Variants in LYST observed in about 807,000 individuals in gnomAD.
LYST encodes the protein lysosomal-trafficking regulator.
A neutral mutation model predicts 413.6 loss-of-function variants in LYST; 192 were observed. The ratio of observed to expected loss-of-function variants is 0.46; its 90% CI spans 0.41 to 0.52. The LOEUF (loss-of-function observed/expected upper bound fraction) is 0.52, where lower values mean the gene tolerates loss of function less well. Among genes scored for constraint, LYST ranks in the 20% least tolerant of loss-of-function variants. The probability of loss-of-function intolerance (pLI) is 0.00; values close to 1 mark genes in which losing one functional copy is unlikely to be tolerated. For synonymous variants in LYST, 1,525 were observed against 1,567.3 expected, an observed-to-expected ratio of 0.97 and a Z score of 0.64; for missense variants, 3,815 against 4,499.9, an observed-to-expected ratio of 0.85 and a Z score of 4.35.
At chr1:235,769,806 A>G (rs1254610962) in intron 20 of LYST, among the ~76,000 whole-genome samples, 1 of 152,164 alleles carries the variant, frequency 6.6e-6, no homozygotes, top group Non-Finnish European at 1.5e-5. Context: ...AAAGCAATAC[A>G]TATTTGTAAA....
intron 44 of LYST, among the ~76,000 whole-genome samples, chr1:235,705,426 A>C (rs12075293): frequency 0.044 from 6,659 of 152,044 alleles, 502 homozygotes; most frequent in African/African-American, 0.15. Flanking sequence ...TGCTCTGTCA[A>C]CCAGGCTGGA....
In LYST at chr1:235,686,885, A is replaced by T. The variant is rs758658587; in HGVS notation, c.10800+64T>A. On this transcript the variant is annotated intron_variant, in intron 48 of 52. Coordinates refer to ENST00000389793, the MANE Select transcript of LYST (RefSeq NM_000081.4). This position sits in a 1 kb window ranked among gnomAD's most constrained non-coding sequence, Gnocchi z 4.0. ...TCTTATGCAAAGTGAATTATACTTC[A>T]TAAAGGCTTTCTTCCCCTCATTGAC... 1 of 1,174,710 alleles carries T rather than the reference A, an allele frequency of 8.5e-7. No homozygotes were observed. The highest frequency in any genetic ancestry group is 1.3e-6 in the Non-Finnish European group (1 of 779,022). The allele number at this position is 1,174,710 out of a possible 1,614,324, so 72.8% of individuals were successfully genotyped here. A position where few individuals can be genotyped will look rare whatever the true frequency, so the allele number is the denominator to read the frequency against.
At chr1:235,678,805 T>C (rs371647515) in intron 48 of LYST, among the ~76,000 whole-genome samples, 29 of 152,326 alleles carry the variant, frequency 1.9e-4, no homozygotes, top group African/African-American at 7.0e-4. Flanking sequence ...ACTTCCATTA[T>C]GTTACTATAG....
chr1:235,709,433 AG>A (rs34803157), intron 43 of LYST, 125 bp from the exon 44 acceptor site: 2 of 740,394 alleles, frequency 2.7e-6, no homozygotes, highest in African/African-American at 1.8e-5. Flanking sequence ...GGGAATAGCA[AG>A]GAGGATTTAC....
intron 31 of LYST, among the ~76,000 whole-genome samples, chr1:235,740,986 G>C (rs1414206675): frequency 6.6e-6 from 1 of 152,084 alleles, no homozygotes. Context: ...TTTTGGGTTT[G>C]ATTATTCCAA....
chr1:235,676,597 C>A (rs1396876612), intron 50 of LYST, among the ~76,000 whole-genome samples: 1 of 152,140 alleles, frequency 6.6e-6, no homozygotes, highest in Non-Finnish European at 1.5e-5. Flanking sequence ...GCCTATGAAG[C>A]CTACCTCCTC....
At chr1:235,706,252 A>G (rs1661979381) in intron 44 of LYST, among the ~76,000 whole-genome samples, 1 of 152,178 alleles carries the variant, frequency 6.6e-6, no homozygotes, top group Non-Finnish European at 1.5e-5. Flanking sequence ...CATGTGCACG[A>G]AGGACTTTTT....
At chr1:235,765,895 A>G (rs923970361) in intron 21 of LYST, among the ~76,000 whole-genome samples, 184 bp downstream of exon 21, 4 of 151,286 alleles carry the variant, frequency 2.6e-5, no homozygotes, top group African/African-American at 9.7e-5. Context: ...TCCACTTGGC[A>G]TTTAGACTCC....
chr1:235,765,363 A>T (rs1668032027), intron 21 of LYST, among the ~76,000 whole-genome samples: 1 of 152,158 alleles, frequency 6.6e-6, no homozygotes, highest in African/African-American at 2.4e-5. Context: ...AATTGGCCTT[A>T]CTGCCCCTAG....
At chr1:235,736,352 G>C (rs1326264499) in intron 31 of LYST, 1 of 152,154 alleles carries the variant, frequency 6.6e-6, no homozygotes, top group Non-Finnish European at 1.5e-5. Context: ...TACAGAAAGG[G>C]AGAAAGGTTT....
At chr1:235,671,787 T>C (rs1444762411) in intron 50 of LYST, among the ~76,000 whole-genome samples, 1 of 152,220 alleles carries the variant, frequency 6.6e-6, no homozygotes, top group East Asian at 1.9e-4. Flanking sequence ...GGCGTAGATA[T>C]GTAAATGGGA....
intron 20 of LYST, 112 bp downstream of exon 20, chr1:235,770,048 G>GAAAAAAAAA: frequency 1.2e-6 from 1 of 840,870 alleles, no homozygotes. Context: ...AGAGAAGATG[G>GAAAAAAAAA]AAAAAAAAAA....
rs1033449655 is a variant in LYST, at chr1:235,724,149, A to C, written c.9194T>G (p.Phe3065Cys). Residue 3065 changes from phenylalanine (F) to cysteine (C), a missense_variant, in exon 39 of 53, where the codon TTT becomes TGT. Transcript: ENST00000389793. ...SLQGELEPAS[F>C]SWTYEEIKEV... ...TTTAATTTCTTCATATGTCCAGGAA[A>C]ATGATGCTGGTTCCAACTCTCCCTG... 8 of 1,613,846 alleles carry C rather than the reference A, an allele frequency of 5.0e-6. No homozygotes were observed. The African/African-American group carries it at 9.3e-5, about 19-fold the overall frequency.
chr1:235,827,190 C>G (rs988063781), intron 3 of LYST, among the ~76,000 whole-genome samples: 3 of 151,964 alleles, frequency 2.0e-5, no homozygotes, highest in Non-Finnish European at 4.4e-5. Flanking sequence ...ATGGCAAAAC[C>G]CTGTTTCTAC....
At chr1:235,853,493 TA>T (rs61496977) in intron 1 of LYST, among the ~76,000 whole-genome samples, 115 of 144,890 alleles carry the variant, frequency 7.9e-4, no homozygotes, top group South Asian at 5.9e-3. Flanking sequence ...TAAAGAAAAC[TA>T]AAAAAAAAAA....
chr1:235,814,211 T>C (rs374779988), intron 3 of LYST, among the ~76,000 whole-genome samples: 70 of 152,250 alleles, frequency 4.6e-4, no homozygotes, highest in African/African-American at 1.6e-3. Flanking sequence ...GGGATAAAGA[T>C]GATGGATTCA....
At chr1:235,684,885 T>C (rs1481626219) in intron 48 of LYST, among the ~76,000 whole-genome samples, 1 of 152,156 alleles carries the variant, frequency 6.6e-6, no homozygotes, top group African/African-American at 2.4e-5. Context: ...TGTCTTGGCC[T>C]CCCAAAGTGC....
chr1:235,784,501 G>A (rs530030817), intron 14 of LYST, among the ~76,000 whole-genome samples: 1 of 152,216 alleles, frequency 6.6e-6, no homozygotes, highest in Non-Finnish European at 1.5e-5. Flanking sequence ...TGCAGGGGCA[G>A]TAAAGCATAG....
Position 235,662,758 on chromosome 1 carries a change from C to T in LYST, c.*182G>A, listed in dbSNP as rs1417492837. Reference sequence around the variant, plus strand: ...CTTCCAGATTATCACTAAAATAGAACAGAACTTTCCTCTTAGGATCATGTG... The same window carrying T: ...CTTCCAGATTATCACTAAAATAGAATAGAACTTTCCTCTTAGGATCATGTG... On this transcript the variant is annotated 3_prime_UTR_variant, in exon 53 of 53. Transcript: ENST00000389793. 5 of 695,028 alleles carry T rather than the reference C, an allele frequency of 7.2e-6. No individual in the cohort carries two copies. The highest frequency in any genetic ancestry group is 3.1e-5 in the South Asian group (2 of 64,828). The allele number at this position is 695,028 out of a possible 1,614,324, so 43.1% of individuals were successfully genotyped here. A position where few individuals can be genotyped will look rare whatever the true frequency, so the allele number is the denominator to read the frequency against.
Sources: gnomAD v4.1 joint callset for allele counts (sites outside exome capture counted in the v4.1 genomes callset) on GRCh38, gnomAD v4.1.1 for gene constraint, Gnocchi (gnomAD v3.1) non-coding constraint, MANE v1.5 for transcripts, NCBI Gene and HGNC (gene_info 2026-07-23, HGNC 2026-07-21) for gene names.